TBX5: variants seen among roughly 807,000 people sequenced by gnomAD.
The protein encoded by TBX5 is T-box transcription factor TBX5.
In TBX5, 8 loss-of-function variants were observed where a neutral mutation model predicts 51.1. The observed-to-expected ratio is 0.16, with a 90% CI of 0.09 to 0.28. TBX5 has a LOEUF of 0.28. Among genes scored for constraint, TBX5 ranks in the 10% least tolerant of loss-of-function variants. The probability of loss-of-function intolerance (pLI) is 1.00; values close to 1 mark genes in which losing one functional copy is unlikely to be tolerated. For synonymous variants in TBX5, 302 were observed against 266.4 expected (o/e 1.13, Z -1.30); for missense variants, 589 against 671.7 (o/e 0.88, Z 1.36).
rs1868730748 is a variant in TBX5, at chr12:114,354,117, C to T, written c.*1415G>A. The T allele has an allele frequency of 6.7e-6, 1 of 149,374 alleles. No individual in the cohort carries two copies. The highest frequency in any genetic ancestry group is 2.2e-4 in the South Asian group (1 of 4,608). 9.3% of individuals were successfully genotyped at this position (149,374 alleles called of 1,614,324 possible). ...ACTCAGCCTCACATCTTACCCTGTTCTCTTTATTAGGGTCTGTTTATAAAA... is the reference window on the plus strand; with the variant it reads ...ACTCAGCCTCACATCTTACCCTGTTTTCTTTATTAGGGTCTGTTTATAAAA... On this transcript the variant is annotated 3_prime_UTR_variant, in exon 9 of 9. Coordinates refer to ENST00000405440, the MANE Select transcript of TBX5 (RefSeq NM_181486.4).
chr12:114,400,358 G>A (rs1232289875), intron 3 of TBX5, among the ~76,000 whole-genome samples: 1 of 152,228 alleles, frequency 6.6e-6, no homozygotes, highest in African/African-American at 2.4e-5. Context: ...TTCAGAAAAA[G>A]CTGAGGCCTG....
chr12:114,394,560 G>T (rs1227998921), intron 6 of TBX5, among the ~76,000 whole-genome samples, 181 bp downstream of exon 6: 1 of 152,190 alleles, frequency 6.6e-6, no homozygotes, highest in African/African-American at 2.4e-5. Context: ...CAAGCTCGTG[G>T]ATATAGTAAA....
intron 8 of TBX5, among the ~76,000 whole-genome samples, chr12:114,360,721 G>A (rs531920884): frequency 2.6e-5 from 4 of 151,272 alleles, no homozygotes; most frequent in Non-Finnish European, 5.9e-5. Flanking sequence ...GTGAGTGGGT[G>A]GATGGGTGGG....
intron 7 of TBX5, among the ~76,000 whole-genome samples, chr12:114,381,681 C>T (rs566415816): frequency 6.6e-6 from 1 of 152,240 alleles, no homozygotes; most frequent in East Asian, 1.9e-4. Context: ...AATCACTTAC[C>T]CCAGGGCTCA....
chr12:114,401,737 C>G, intron 3 of TBX5, 89 bp downstream of exon 3: 1 of 1,227,756 alleles, frequency 8.1e-7, no homozygotes, highest in Non-Finnish European at 1.2e-6. Context: ...TGCCCCTTTC[C>G]TTCCTTCTTC....
intron 8 of TBX5, among the ~76,000 whole-genome samples, chr12:114,357,488 C>T (rs1224688659): frequency 2.0e-5 from 3 of 152,186 alleles, no homozygotes; most frequent in Admixed American, 6.5e-5. Flanking sequence ...ACCAGCAGGG[C>T]ATCTACGCTC....
At chr12:114,363,971 G>T (rs1211055957) in intron 8 of TBX5, among the ~76,000 whole-genome samples, 1 of 152,210 alleles carries the variant, frequency 6.6e-6, no homozygotes, top group Non-Finnish European at 1.5e-5. Flanking sequence ...CGTGCCGGGA[G>T]TCACGCCAGG....
At chr12:114,407,990 T>C (rs1030988532), upstream of TBX5, 9 of 985,228 alleles carry the variant, frequency 9.1e-6, no homozygotes, top group African/African-American at 1.6e-4. Context: ...TGGTTTGTGG[T>C]CTCCGACAAA....
In TBX5 at chr12:114,355,851, G is replaced by A. The variant is rs1868866882; in HGVS notation, c.1238C>T (p.Thr413Ile). 2 of 1,613,898 alleles carry A rather than the reference G, an allele frequency of 1.2e-6. No individual in the cohort carries two copies. Among genetic ancestry groups the A allele is most frequent in the Non-Finnish European group, 1.7e-6 (2 of 1,180,034 alleles). ...TAGCCTGTCCATGGGCTGCACGGTG[G>A]TGACGGTGCAGCTGCTGTAGGAAGG... ...SMPSYSSCTV[T>I]TVQPMDRLPY... The change falls in exon 9 of 9, where the codon ACC (threonine) becomes ATC (isoleucine). Residue 413 changes from threonine (T) to isoleucine (I), a missense_variant. By Grantham distance (89) the Thr-to-Ile change is moderately conservative (BLOSUM62 -1). Coordinates refer to ENST00000405440, the MANE Select transcript of TBX5 (RefSeq NM_181486.4).
At chr12:114,364,230 T>C (rs1303525577) in intron 8 of TBX5, among the ~76,000 whole-genome samples, 3 of 152,220 alleles carry the variant, frequency 2.0e-5, no homozygotes, top group African/African-American at 7.2e-5. Flanking sequence ...TGTTAGCGAG[T>C]TATTTTTTCC....
intron 1 of TBX5, among the ~76,000 whole-genome samples, 171 bp downstream of exon 1, chr12:114,405,457 G>T (rs1258152850): frequency 2.0e-5 from 3 of 152,190 alleles, no homozygotes; most frequent in African/African-American, 7.2e-5. Context: ...CGCCAGCCGC[G>T]GCGGCCTCCC....
chr12:114,392,759 C>T (rs1273695148), intron 6 of TBX5, among the ~76,000 whole-genome samples: 1 of 151,908 alleles, frequency 6.6e-6, no homozygotes, highest in Non-Finnish European at 1.5e-5. Flanking sequence ...CAAAGCTAAA[C>T]ACAGGTTTAC....
At position 114,398,391 on chromosome 12, in the gene TBX5, G is replaced by C. The variant is rs140645541; in HGVS notation, c.510+182C>G. Among the ~76,000 whole-genome samples the C allele has an allele frequency of 1.9e-3, 293 of 152,266 alleles. 1 individual carries two copies. Among genetic ancestry groups the C allele is most frequent in the African/African-American group, 6.5e-3 (269 of 41,560 alleles). ...AGAATTGAGACGGAGGGGAGGAAAA[G>C]GAAGAGGAAGGAAGTCCAGATCAAG... is the stretch of plus-strand genomic sequence containing the variant. On this transcript the variant is annotated intron_variant, in intron 5 of 8. Transcript: ENST00000405440.
At chr12:114,357,864 A>C (rs1047494288) in intron 8 of TBX5, among the ~76,000 whole-genome samples, 1 of 152,220 alleles carries the variant, frequency 6.6e-6, no homozygotes, top group Middle Eastern at 3.2e-3. Flanking sequence ...AAAATGAAAC[A>C]CTGGGGCATC....
Position 114,403,873 on chromosome 12 carries a change from C to T in TBX5, c.26G>A (p.Gly9Asp). Residue 9 changes from glycine to aspartate, a missense_variant, in exon 2 of 9, where the codon GGC becomes GAC. This residue lies in a region of TBX5 where 101 missense variants were observed against 83.3 expected (regional missense o/e 1.21). Coordinates refer to ENST00000405440, the MANE Select transcript of TBX5 (RefSeq NM_181486.4). MADADEGF[G>D]LAHTPLEPDA... ...AGGCTCCAGAGGCGTGTGCGCCAGG[C>T]CAAAGCCCTCGTCTGCGTCGGCCAT... is the stretch of plus-strand genomic sequence containing the variant. The T allele has an allele frequency of 6.2e-7, 1 of 1,613,440 alleles. No individual in the cohort carries two copies. The highest frequency in any genetic ancestry group is 8.5e-7 in the Non-Finnish European group (1 of 1,179,932).
intron 6 of TBX5, among the ~76,000 whole-genome samples, chr12:114,389,798 A>G (rs1176698083): frequency 1.5e-5 from 2 of 137,784 alleles, no homozygotes; most frequent in East Asian, 4.3e-4. Flanking sequence ...AAGTGGATGA[A>G]GGACACCTTT....
intron 5 of TBX5, among the ~76,000 whole-genome samples, chr12:114,396,784 G>A (rs1445753082): frequency 6.6e-6 from 1 of 152,140 alleles, no homozygotes; most frequent in Non-Finnish European, 1.5e-5. Context: ...CCCTGGTGCT[G>A]GTAAGGCATC....
chr12:114,405,331 G>A (rs1229270200), intron 1 of TBX5, among the ~76,000 whole-genome samples: 1 of 152,194 alleles, frequency 6.6e-6, no homozygotes, highest in African/African-American at 2.4e-5. Flanking sequence ...GCCGGCCGCG[G>A]GGAGAATCCT....
chr12:114,381,680 C>A (rs1368938690), intron 7 of TBX5, among the ~76,000 whole-genome samples: 1 of 152,126 alleles, frequency 6.6e-6, no homozygotes, highest in East Asian at 1.9e-4. Flanking sequence ...AAATCACTTA[C>A]CCCAGGGCTC....
Sources: allele counts gnomAD v4.1 joint callset (sites outside exome capture counted in the v4.1 genomes callset), GRCh38; gene constraint gnomAD v4.1.1; regional missense constraint gnomAD v4.1.1; transcripts MANE v1.5; gene names NCBI Gene and HGNC (gene_info 2026-07-23, HGNC 2026-07-21).